The following ADAM22 variants were observed in gnomAD, a reference collection of about 807,000 sequenced individuals.
ADAM22 encodes disintegrin and metalloproteinase domain-containing protein 22.
Under a neutral mutation model 144.6 loss-of-function variants are expected in ADAM22, and 65 were observed. The ratio of observed to expected loss-of-function variants is 0.45; its 90% CI spans 0.37 to 0.55. The LOEUF is 0.55. Among genes scored for constraint, ADAM22 ranks in the 20% least tolerant of loss-of-function variants. The pLI is 0.00. For missense variants in ADAM22, 974 were observed against 1,184.9 expected, an observed-to-expected ratio of 0.82 and a Z score of 2.61; for synonymous variants, 391 against 412.6, an observed-to-expected ratio of 0.95 and a Z score of 0.63.
intron 10 of ADAM22, among the ~76,000 whole-genome samples, chr7:88,130,871 G>A (rs957935564): frequency 2.0e-5 from 3 of 152,174 alleles, no homozygotes; most frequent in East Asian, 1.9e-4. Flanking sequence ...ATGAGGCTGC[G>A]CTAGTACCTT....
At position 88,153,345 on chromosome 7, in the gene ADAM22, C is replaced by T; in HGVS notation, c.1787+19C>T. On this transcript the variant is annotated intron_variant, in intron 21 of 31. Coordinates refer to ENST00000413139, the MANE Select transcript of ADAM22 (RefSeq NM_001324418.2). ...ACAAACGGTGAGGTGGAGACGTCAG[C>T]CCAGAATTCATCCCTTGGTCAATTA... 6.3e-7 allele frequency: 1 copy of T among 1,586,542 alleles called. No individual in the cohort carries two copies. Among genetic ancestry groups the T allele is most frequent in the Non-Finnish European group, 8.6e-7 (1 of 1,160,562 alleles).
intron 2 of ADAM22, among the ~76,000 whole-genome samples, chr7:87,973,730 C>T (rs941804826): frequency 3.9e-5 from 6 of 152,106 alleles, no homozygotes; most frequent in Admixed American, 6.6e-5. Context: ...AAATGTGGCA[C>T]ATATACACCA....
chr7:87,994,310 G>A (rs1428941115), intron 3 of ADAM22, among the ~76,000 whole-genome samples: 4 of 152,124 alleles, frequency 2.6e-5, no homozygotes, highest in East Asian at 3.9e-4. Flanking sequence ...ACAGGCGCCC[G>A]CCACCACGCC....
At chr7:88,193,265 G>A (rs772491990) in intron 31 of ADAM22, 26 bp downstream of exon 31, 24 of 1,608,720 alleles carry the variant, frequency 1.5e-5, no homozygotes, top group East Asian at 9.0e-5. Flanking sequence ...TTCCATGTGC[G>A]TACATGCTCA....
intron 3 of ADAM22, among the ~76,000 whole-genome samples, chr7:88,011,315 G>A (rs974732021): frequency 2.6e-5 from 4 of 152,176 alleles, no homozygotes; most frequent in Admixed American, 1.3e-4. Context: ...GCCGAGGCGG[G>A]CGGATCACAA....
intron 1 of ADAM22, 52 bp from the exon 2 acceptor site, chr7:87,934,974 A>C (rs1303257595): frequency 6.2e-7 from 1 of 1,611,844 alleles, no homozygotes; most frequent in Non-Finnish European, 8.5e-7. Flanking sequence ...GGTCAGGGTC[A>C]TTATTTTCGC....
chr7:88,040,338 G>A (rs1014353798), intron 3 of ADAM22, among the ~76,000 whole-genome samples: 3 of 151,788 alleles, frequency 2.0e-5, no homozygotes, highest in Non-Finnish European at 4.4e-5. Flanking sequence ...CACCATGTTG[G>A]CCAGGCTGGT....
At chr7:88,104,147 CT>C (rs1433237741) in intron 4 of ADAM22, among the ~76,000 whole-genome samples, 7 of 152,062 alleles carry the variant, frequency 4.6e-5, no homozygotes, top group African/African-American at 1.7e-4. Context: ...TAAATGAATT[CT>C]GGTTCACCCC....
intron 3 of ADAM22, among the ~76,000 whole-genome samples, chr7:87,995,233 T>C (rs933458002): frequency 6.6e-6 from 1 of 152,192 alleles, no homozygotes; most frequent in African/African-American, 2.4e-5. Context: ...TGGAGTGGCA[T>C]AGGATTTTCT....
intron 2 of ADAM22, chr7:87,964,622 A>AT (rs758970828): frequency 4.2e-4 from 175 of 417,560 alleles, no homozygotes; most frequent in Admixed American, 8.9e-4. Context: ...TACTCATTTA[A>AT]TTTTTTTTTA....
rs916759850 is a variant in ADAM22, at chr7:87,947,782, G to A, written c.246+12596G>A. ...TGAAATGATGAACTTTGCAGTTATT[G>A]TAGGGTTATGGAATAAAAATTATTT... On this transcript the variant is annotated intron_variant, in intron 2 of 31. Transcript: ENST00000413139. Among the ~76,000 whole-genome samples, 5 of 152,150 alleles carry A rather than the reference G, an allele frequency of 3.3e-5. No individual in the cohort carries two copies. In the South Asian group the frequency reaches 1.0e-3, roughly 31 times the overall value.
At chr7:87,947,225 A>C (rs1334015083) in intron 2 of ADAM22, among the ~76,000 whole-genome samples, 1 of 152,238 alleles carries the variant, frequency 6.6e-6, no homozygotes, top group Non-Finnish European at 1.5e-5. Flanking sequence ...AATTATAAAA[A>C]AAAGATTATG....
intron 20 of ADAM22, 106 bp downstream of exon 20, chr7:88,151,426 A>T: frequency 7.8e-7 from 1 of 1,278,388 alleles, no homozygotes; most frequent in Non-Finnish European, 1.1e-6. Context: ...TGACTGGGGG[A>T]TTCTCAAAGC....
chr7:87,973,292 C>A (rs1024828678), intron 2 of ADAM22, among the ~76,000 whole-genome samples: 2 of 152,200 alleles, frequency 1.3e-5, no homozygotes, highest in Non-Finnish European at 2.9e-5. Context: ...TGAACAGACA[C>A]TTCTCAAAAG....
intron 29 of ADAM22, among the ~76,000 whole-genome samples, chr7:88,182,590 T>C (rs948099790): frequency 8.5e-5 from 13 of 152,352 alleles, no homozygotes; most frequent in Non-Finnish European, 8.8e-5. Context: ...TGAATCATTG[T>C]CACTAAATGC....
intron 2 of ADAM22, among the ~76,000 whole-genome samples, chr7:87,937,325 C>T (rs1841477020): frequency 6.6e-6 from 1 of 151,788 alleles, no homozygotes; most frequent in African/African-American, 2.4e-5. Flanking sequence ...TTTTTTTCCC[C>T]TTGCAATTTT....
At chr7:88,123,147 G>A (rs1368517571) in intron 7 of ADAM22, among the ~76,000 whole-genome samples, 1 of 152,070 alleles carries the variant, frequency 6.6e-6, no homozygotes, top group Non-Finnish European at 1.5e-5. Flanking sequence ...ATATTTGTGT[G>A]TATTACTGGG....
chr7:88,173,237 G>A (rs1844789266), intron 26 of ADAM22, among the ~76,000 whole-genome samples: 1 of 151,992 alleles, frequency 6.6e-6, no homozygotes. Flanking sequence ...TCTCCTTTAT[G>A]TGCCTGATAT....
chr7:88,059,620 G>T, intron 3 of ADAM22, among the ~76,000 whole-genome samples: 1 of 152,304 alleles, frequency 6.6e-6, no homozygotes, highest in Middle Eastern at 3.4e-3. Flanking sequence ...CAACCTAGGC[G>T]CTGATCGATG....
Sources: allele counts gnomAD v4.1 joint callset (sites outside exome capture counted in the v4.1 genomes callset), GRCh38; gene constraint gnomAD v4.1.1; transcripts MANE v1.5; gene names NCBI Gene and HGNC (gene_info 2026-07-23, HGNC 2026-07-21).